The following DYNC2H1 variants were observed in gnomAD, a reference collection of about 807,000 sequenced individuals.
The protein encoded by DYNC2H1 is dynein cytoplasmic 2 heavy chain 1, also known as cytoplasmic dynein 2 heavy chain 1.
Under a neutral mutation model 570.0 loss-of-function variants are expected in DYNC2H1, and 410 were observed. That is an observed-to-expected ratio of 0.72 (90% CI 0.66 to 0.78). The LOEUF (loss-of-function observed/expected upper bound fraction) is 0.78. Ranked by LOEUF, DYNC2H1 falls within the 30% of genes least tolerant of loss-of-function variation. DYNC2H1 has a pLI of 0.00. For missense variants in DYNC2H1, 4,865 were observed against 5,046.4 expected, an observed-to-expected ratio of 0.96 and a Z score of 1.09; for synonymous variants, 1,688 against 1,677.6, an observed-to-expected ratio of 1.01 and a Z score of -0.15.
chr11:103,459,308 CAAAAAAAAA>C (rs33941099), intron 87 of DYNC2H1, among the ~76,000 whole-genome samples: 1 of 52,424 alleles, frequency 1.9e-5, no homozygotes, highest in Non-Finnish European at 3.4e-5. Flanking sequence ...GACTCCGTCT[CAAAAAAAAA>C]AAAAAAAAAA....
chr11:103,312,541 C>CAAAA (rs1294317909), intron 79 of DYNC2H1, among the ~76,000 whole-genome samples: 87 of 70,912 alleles, frequency 1.2e-3, no homozygotes, highest in East Asian at 1.5e-3. Context: ...GACTCTGCCT[C>CAAAA]AAAAAAAAAA....
chr11:103,149,471 A>G (rs1019875322), intron 20 of DYNC2H1, among the ~76,000 whole-genome samples: 2 of 152,214 alleles, frequency 1.3e-5, no homozygotes, highest in African/African-American at 4.8e-5. Flanking sequence ...ATGTGCCCCC[A>G]CTTAAAATTA....
At chr11:103,463,850 A>G (rs1273073589) in intron 87 of DYNC2H1, among the ~76,000 whole-genome samples, 6 of 152,190 alleles carry the variant, frequency 3.9e-5, no homozygotes, top group Admixed American at 3.9e-4. Flanking sequence ...AAGACAAAGA[A>G]ATAGCCTGAC....
chr11:103,342,976 TG>T (rs1939544527), intron 82 of DYNC2H1, among the ~76,000 whole-genome samples: 1 of 152,112 alleles, frequency 6.6e-6, no homozygotes, highest in Admixed American at 6.6e-5. Context: ...CCTTAGAATT[TG>T]GGGGCTAAAC....
intron 17 of DYNC2H1, among the ~76,000 whole-genome samples, 190 bp downstream of exon 17, chr11:103,136,138 A>C (rs1451251131): frequency 6.6e-6 from 1 of 151,914 alleles, no homozygotes; most frequent in African/African-American, 2.4e-5. Context: ...AGTTATGGGA[A>C]AGATTTTTTT....
At chr11:103,297,300 AAC>A (rs1487469658) in intron 75 of DYNC2H1, among the ~76,000 whole-genome samples, 1 of 152,144 alleles carries the variant, frequency 6.6e-6, no homozygotes, top group Non-Finnish European at 1.5e-5. Flanking sequence ...TGTGTTGTTA[AAC>A]AGTTAACAGT....
At chr11:103,148,717 A>C in intron 20 of DYNC2H1, 100 bp downstream of exon 20, 82 of 1,341,292 alleles carry the variant, frequency 6.1e-5, no homozygotes, top group Middle Eastern at 2.7e-4. Context: ...ATATAATCTC[A>C]ACATTATAAG....
In DYNC2H1 at chr11:103,323,910, A is replaced by G. The variant is rs558493613; in HGVS notation, c.11959A>G (p.Ile3987Val). Reference sequence around the variant, plus strand: ...GGACTATCGTGCTGTCATTGAGAAAATTCCAGAGGACGACAAACCTAGTTT... The same window carrying G: ...GGACTATCGTGCTGTCATTGAGAAAGTTCCAGAGGACGACAAACCTAGTTT... ...ILDYRAVIEKIPEDDKPSFFG... is the reference protein window; with the variant it reads ...ILDYRAVIEKVPEDDKPSFFG... The change falls in exon 82 of 89, where the codon ATT (isoleucine) becomes GTT (valine). Residue 3987 changes from isoleucine to valine, a missense_variant. Physicochemically the swap from Ile to Val is conservative, Grantham distance 29 (BLOSUM62 3). Coordinates refer to ENST00000375735, the MANE Select transcript of DYNC2H1 (RefSeq NM_001377.3). 11 of 1,612,682 alleles carry G rather than the reference A, an allele frequency of 6.8e-6. No homozygotes were observed. The highest frequency in any genetic ancestry group is 1.7e-4 in the Middle Eastern group (1 of 6,056).
chr11:103,178,890 A>G (rs1861735115), intron 38 of DYNC2H1, 136 bp from the exon 39 acceptor site: 2 of 784,010 alleles, frequency 2.6e-6, no homozygotes, highest in East Asian at 5.4e-5. Flanking sequence ...CAGCTGAGCC[A>G]GGATTGCGCA....
At chr11:103,459,680 C>T (rs544925892) in intron 87 of DYNC2H1, among the ~76,000 whole-genome samples, 9 of 152,088 alleles carry the variant, frequency 5.9e-5, no homozygotes, top group South Asian at 2.1e-4. Flanking sequence ...TGGCCGGGCG[C>T]GGTGGCTCAC....
intron 81 of DYNC2H1, among the ~76,000 whole-genome samples, chr11:103,323,316 A>G (rs924785281): frequency 6.6e-6 from 1 of 152,164 alleles, no homozygotes. Context: ...GGATGAAATG[A>G]TAGGATTATC....
chr11:103,298,214 G>GC (rs562317675), intron 75 of DYNC2H1, among the ~76,000 whole-genome samples: 14 of 151,634 alleles, frequency 9.2e-5, no homozygotes, highest in Non-Finnish European at 1.6e-4. Flanking sequence ...TCTTTTTCTT[G>GC]TTTTTTTTAC....
intron 83 of DYNC2H1, among the ~76,000 whole-genome samples, chr11:103,377,902 A>G (rs549454723): frequency 1.3e-5 from 2 of 150,452 alleles, no homozygotes; most frequent in Non-Finnish European, 3.0e-5. Context: ...ACACCCGGCT[A>G]ATTTTTGTAT....
At chr11:103,466,639 G>A (rs1038937487) in intron 87 of DYNC2H1, among the ~76,000 whole-genome samples, 5 of 152,080 alleles carry the variant, frequency 3.3e-5, no homozygotes, top group African/African-American at 1.2e-4. Context: ...AAACCTGAAT[G>A]GCTAATAAAC....
In DYNC2H1 at chr11:103,117,855, C is replaced by T; in HGVS notation, c.991C>T (p.Leu331Phe). The part of the protein sequence containing the change: ...PETLDKLGKR[L>F]EEVLAIRTIH... ...AACACTTGACAAACTTGGCAAACGC[C>T]TTGAAGAGGTATCAATTTGATTATC... The change falls in exon 6 of 89, where the codon CTT becomes TTT. Residue 331 changes from leucine (L) to phenylalanine (F), a missense_variant. This residue lies in a region of DYNC2H1 where 1,936 missense variants were observed against 1,962.1 expected (regional missense o/e 0.99). Transcript: ENST00000375735. 1.9e-6 allele frequency: 3 copies of T among 1,609,648 alleles called. No homozygotes were observed. The highest frequency in any genetic ancestry group is 2.5e-6 in the Non-Finnish European group (3 of 1,177,610).
rs993965766 is a variant in DYNC2H1 at position 103,363,116 on chromosome 11, AT to A, written c.12156+4762del. Among the ~76,000 whole-genome samples, 2 of 152,052 alleles carry A rather than the reference AT, an allele frequency of 1.3e-5. No individual in the cohort carries two copies. The highest frequency in any genetic ancestry group is 2.9e-5 in the Non-Finnish European group (2 of 67,992). On this transcript the variant is annotated intron_variant, in intron 83 of 88. Transcript: ENST00000375735. The surrounding 1 kb of genome is among the most constrained non-coding windows in gnomAD (Gnocchi z 5.6). The stretch of plus-strand genomic sequence containing the variant: ...TGACAGCTGGTCTAGGTTTAGCTTG[AT>A]TTTTATCCTGTTATTTTGCACGAGA...
rs200133295 is a variant in DYNC2H1, at chr11:103,311,668, AATT to A, written c.11494-206_11494-204del. Among the ~76,000 whole-genome samples, 2,903 of 147,798 alleles carry A rather than the reference AATT, an allele frequency of 0.02. 49 individuals carry two copies. The highest frequency in any genetic ancestry group is 0.029 in the Non-Finnish European group (1,913 of 65,046). ...ATTGTATAGATTTTTAAATTTGAAT[AATT>A]ATTCTGTATTTATATTTGAGATGAA... On this transcript the variant is annotated intron_variant, in intron 78 of 88. Transcript: ENST00000375735.
chr11:103,270,515 T>C (rs951038673), intron 70 of DYNC2H1, among the ~76,000 whole-genome samples: 1 of 152,098 alleles, frequency 6.6e-6, no homozygotes, highest in Non-Finnish European at 1.5e-5. Context: ...AGAGCAATTG[T>C]AACAATTGTA....
chr11:103,435,463 AG>A (rs1944027860), intron 84 of DYNC2H1, among the ~76,000 whole-genome samples: 1 of 152,022 alleles, frequency 6.6e-6, no homozygotes, highest in Non-Finnish European at 1.5e-5. Context: ...CTGTTCTTAG[AG>A]GGGTTTTATT....
Sources: gnomAD v4.1 joint callset for allele counts (sites outside exome capture counted in the v4.1 genomes callset) on GRCh38, gnomAD v4.1.1 for gene constraint, gnomAD v4.1.1 regional missense constraint, Gnocchi (gnomAD v3.1) non-coding constraint, MANE v1.5 for transcripts, NCBI Gene and HGNC (gene_info 2026-07-23, HGNC 2026-07-21) for gene names.